Variants in PAK1 observed in about 807,000 individuals in gnomAD.
The protein encoded by PAK1 is p21 (RAC1) activated kinase 1, also known as serine/threonine-protein kinase PAK 1.
A neutral mutation model predicts 67.4 loss-of-function variants in PAK1; 29 were observed. The ratio of observed to expected loss-of-function variants is 0.43; its 90% CI spans 0.32 to 0.59. The LOEUF is 0.59. PAK1 is among the 20% of genes least tolerant of loss of function. The pLI, the probability that PAK1 is intolerant of heterozygous loss-of-function variation, is 0.07. For synonymous variants in PAK1, 223 were observed against 237.4 expected (o/e 0.94, Z 0.56); for missense variants, 337 against 670.7 (o/e 0.50, Z 5.50).
intron 1 of PAK1, among the ~76,000 whole-genome samples, chr11:77,429,121 G>A (rs902878105): frequency 7.8e-6 from 1 of 128,852 alleles, no homozygotes; most frequent in Non-Finnish European, 1.6e-5. Context: ...AGGATTCCTT[G>A]GCTGGTATAG....
the PAK1 span, among the ~76,000 whole-genome samples, chr11:77,501,477 A>C: frequency 2.6e-5 from 4 of 152,164 alleles, no homozygotes; most frequent in African/African-American, 9.7e-5. Context: ...GGTAATAAGC[A>C]ACAGCTTTCC....
chr11:77,374,229 AATAT>A, intron 5 of PAK1, 95 bp downstream of exon 5: 1 of 735,846 alleles, frequency 1.4e-6, no homozygotes, highest in Non-Finnish European at 2.4e-6. Context: ...AGGAGTGACT[AATAT>A]GAGTGCCTCC....
chr11:77,525,305 G>C, the PAK1 span, among the ~76,000 whole-genome samples: 1 of 151,948 alleles, frequency 6.6e-6, no homozygotes. Flanking sequence ...ACTCCAGCCT[G>C]GGTGACAGAG....
chr11:77,481,692 A>T, the PAK1 span, among the ~76,000 whole-genome samples: 1 of 151,458 alleles, frequency 6.6e-6, no homozygotes, highest in Non-Finnish European at 1.5e-5. Context: ...AAAAAAAAAA[A>T]ATTACGTCTT....
At chr11:77,462,968 G>GAA (rs111437533) in intron 1 of PAK1, among the ~76,000 whole-genome samples, 3 of 33,996 alleles carry the variant, frequency 8.8e-5, no homozygotes, top group African/African-American at 2.4e-4. Flanking sequence ...ACAACAGTGA[G>GAA]AAAAAAAAAA....
the PAK1 span, among the ~76,000 whole-genome samples, chr11:77,522,363 A>G: frequency 1.3e-5 from 2 of 152,216 alleles, no homozygotes; most frequent in Non-Finnish European, 2.9e-5. Flanking sequence ...CAGGTTTCCC[A>G]AGGAGCTTTT....
intron 1 of PAK1, among the ~76,000 whole-genome samples, chr11:77,443,297 C>T (rs1314914564): frequency 6.9e-6 from 1 of 144,354 alleles, no homozygotes; most frequent in Non-Finnish European, 1.5e-5. Flanking sequence ...GAGTGAGACT[C>T]CGTCTCTTAA....
At chr11:77,498,315 A>G in the PAK1 span, among the ~76,000 whole-genome samples, 1 of 152,246 alleles carries the variant, frequency 6.6e-6, no homozygotes, top group African/African-American at 2.4e-5. Context: ...GGAAAAGTTT[A>G]TTTAAAAACA....
intron 5 of PAK1, among the ~76,000 whole-genome samples, chr11:77,367,944 A>G (rs780040232): frequency 6.6e-6 from 1 of 152,216 alleles, no homozygotes; most frequent in South Asian, 2.1e-4. Flanking sequence ...ACGCCGCTGC[A>G]CTCCAGCCTG....
intron 2 of PAK1, among the ~76,000 whole-genome samples, chr11:77,385,433 A>C (rs1401901030): frequency 2.0e-5 from 3 of 152,256 alleles, no homozygotes; most frequent in African/African-American, 4.8e-5. Flanking sequence ...ATCTCACATC[A>C]TGCCAAGCAT....
chr11:77,433,704 G>C (rs1396751035), intron 1 of PAK1, among the ~76,000 whole-genome samples: 1 of 152,166 alleles, frequency 6.6e-6, no homozygotes, highest in African/African-American at 2.4e-5. Context: ...GCTTGAACAC[G>C]GGAGACAGAG....
intron 13 of PAK1, among the ~76,000 whole-genome samples, chr11:77,334,148 G>A (rs1407871074): frequency 1.3e-5 from 2 of 149,928 alleles, no homozygotes; most frequent in African/African-American, 2.5e-5. Flanking sequence ...CAGCCTAGGT[G>A]ACAGAGTGAG....
intron 1 of PAK1, among the ~76,000 whole-genome samples, chr11:77,407,869 T>A (rs1291066384): frequency 6.6e-6 from 1 of 151,378 alleles, no homozygotes; most frequent in African/African-American, 2.5e-5. Context: ...GTAATGAGTG[T>A]TTGTTTGGCT....
intron 2 of PAK1, among the ~76,000 whole-genome samples, chr11:77,380,569 G>A (rs1949681010): frequency 6.6e-6 from 1 of 152,184 alleles, no homozygotes; most frequent in Non-Finnish European, 1.5e-5. Context: ...GGTTTTACCA[G>A]TAACTAGCCA....
chr11:77,439,222 T>C lies in PAK1; in HGVS notation c.-22+34330A>G, dbSNP rs1956254408. ...AGTGCTTCTACTCTAGTTTTAAAAC[T>C]AGAAGCCCTATAGAGGAGCATGCTA... is the stretch of plus-strand genomic sequence containing the variant. On this transcript the variant is annotated intron_variant, in intron 1 of 14. Transcript: ENST00000356341. Among the ~76,000 whole-genome samples the C allele has an allele frequency of 1.3e-5, 2 of 152,164 alleles. 1 individual carries two copies. Among genetic ancestry groups the C allele is most frequent in the South Asian group, 4.1e-4 (2 of 4,824 alleles).
chr11:77,521,907 A>C, the PAK1 span, among the ~76,000 whole-genome samples: 1 of 152,206 alleles, frequency 6.6e-6, no homozygotes, highest in Non-Finnish European at 1.5e-5. Context: ...AGGAATAAGC[A>C]GGGTTAGCCG....
At chr11:77,374,270 T>C (rs1948812321) in intron 5 of PAK1, 58 bp downstream of exon 5, 1 of 1,152,642 alleles carries the variant, frequency 8.7e-7, no homozygotes, top group Non-Finnish European at 1.3e-6. Context: ...TCTACCACAC[T>C]GTCTTGATCC....
chr11:77,407,493 T>TA (rs1295324084), intron 1 of PAK1, among the ~76,000 whole-genome samples: 1 of 152,230 alleles, frequency 6.6e-6, no homozygotes, highest in African/African-American at 2.4e-5. Context: ...GTGGCAACCC[T>TA]AGGCTTTCAG....
chr11:77,516,996 A>G, the PAK1 span, among the ~76,000 whole-genome samples: 20 of 152,082 alleles, frequency 1.3e-4, no homozygotes, highest in African/African-American at 4.8e-4. Context: ...ACAGAGTGAG[A>G]CCCTGTCTCA....
Sources: allele counts gnomAD v4.1 joint callset (sites outside exome capture counted in the v4.1 genomes callset), GRCh38; gene constraint gnomAD v4.1.1; transcripts MANE v1.5; gene names NCBI Gene and HGNC (gene_info 2026-07-23, HGNC 2026-07-21).